MGAT5: variants seen among roughly 807,000 people sequenced by gnomAD.
MGAT5 encodes the protein alpha-1,6-mannosylglycoprotein 6-beta-N-acetylglucosaminyltransferase A.
Under a neutral mutation model 94.3 loss-of-function variants are expected in MGAT5, and 30 were observed. The observed-to-expected ratio is 0.32, with a 90% CI of 0.24 to 0.43. MGAT5 has a LOEUF of 0.43. Ranked by LOEUF, MGAT5 falls within the 20% of genes least tolerant of loss-of-function variation. The pLI is 1.00. For missense variants in MGAT5, 691 were observed against 905.5 expected (o/e 0.76, Z 3.04); for synonymous variants, 310 against 322.9 (o/e 0.96, Z 0.43).
chr2:134,411,651 C>A (rs1295213825), intron 11 of MGAT5, among the ~76,000 whole-genome samples: 2 of 152,224 alleles, frequency 1.3e-5, no homozygotes, highest in African/African-American at 4.8e-5. Context: ...TGCAGCCCGG[C>A]AGCTTGGGCC....
chr2:134,400,808 C>G (rs1325866374), intron 10 of MGAT5, among the ~76,000 whole-genome samples: 2 of 152,188 alleles, frequency 1.3e-5, no homozygotes, highest in Non-Finnish European at 2.9e-5. Context: ...ACCTGCACCG[C>G]CCATCTCCTG....
Position 134,145,214 on chromosome 2 carries a change from C to CTGTGTGTGTGTGTGTGTGTG in MGAT5, c.-143+24935_-143+24954dup, listed in dbSNP as rs59065013. On this transcript the variant is annotated intron_variant, in intron 1 of 16. Coordinates refer to the MGAT5 transcript ENST00000409645. ...GTAAGGTGTGTGTGTGTCTCTCTCTCTGTGTGTGTGTGTGTGTGTGTGTGT... is the reference window on the plus strand; with the variant it reads ...GTAAGGTGTGTGTGTGTCTCTCTCTCTGTGTGTGTGTGTGTGTGTGTGTGTGTGTGTGTGTGTGTGTGTGT... Among the ~76,000 whole-genome samples the CTGTGTGTGTGTGTGTGTGTG allele has an allele frequency of 4.2e-4, 60 of 143,868 alleles. 1 individual carries two copies. Among genetic ancestry groups the CTGTGTGTGTGTGTGTGTGTG allele is most frequent in the African/African-American group, 1.5e-3 (58 of 38,574 alleles). 94.4% of individuals were successfully genotyped at this position (143,868 alleles called of 152,430 possible).
At chr2:134,141,524 A>T (rs1335163079) in intron 1 of MGAT5, among the ~76,000 whole-genome samples, 3 of 151,464 alleles carry the variant, frequency 2.0e-5, no homozygotes, top group Non-Finnish European at 4.4e-5. Context: ...GGGTGGCTGG[A>T]TGGGTAGATG....
Position 134,450,776 on chromosome 2 carries a change from G to C in MGAT5, c.*1929G>C. 7.4e-6 allele frequency: 1 copy of C among 135,134 alleles called. No individual in the cohort carries two copies. Among genetic ancestry groups the C allele is most frequent in the African/African-American group, 3.0e-5 (1 of 33,448 alleles). 8.4% of individuals were successfully genotyped at this position (135,134 alleles called of 1,614,324 possible). On this transcript the variant is annotated 3_prime_UTR_variant, in exon 16 of 16. Transcript: ENST00000281923. The stretch of plus-strand genomic sequence containing the variant: ...GGGCAGAAGTCCAAAGGAAACCTTG[G>C]TGAGTGAGTGTGTGTGTGTGTGTGT...
At position 134,428,362 on chromosome 2, in the gene MGAT5, C is replaced by T. The variant is rs1447693915; in HGVS notation, c.1795-3C>T. 6.2e-7 allele frequency: 1 copy of T among 1,613,590 alleles called. No homozygotes were observed. The highest frequency in any genetic ancestry group is 8.5e-7 in the Non-Finnish European group (1 of 1,179,690). Reference sequence around the variant, plus strand: ...TTCATGGTATCATGCTCTGTTTCCACAGATTGAGCCATACATGCCATATGA... The same window carrying T: ...TTCATGGTATCATGCTCTGTTTCCATAGATTGAGCCATACATGCCATATGA... On this transcript the variant is annotated splice_polypyrimidine_tract_variant and splice_region_variant and intron_variant, in intron 13 of 15. Coordinates refer to ENST00000281923, the MANE Select transcript of MGAT5 (RefSeq NM_002410.5).
At chr2:134,240,357 G>GTTTTTTTTTTTTTTTTTTTTTTTTTT (rs11316083) in intron 1 of MGAT5, among the ~76,000 whole-genome samples, 4 of 146,832 alleles carry the variant, frequency 2.7e-5, no homozygotes, top group South Asian at 4.4e-4. Flanking sequence ...AAATGAAAGT[G>GTTTTTTTTTTTTTTTTTTTTTTTTTT]TTTTTTTTTT....
chr2:134,242,150 C>T (rs906668386), intron 1 of MGAT5, among the ~76,000 whole-genome samples: 1 of 152,190 alleles, frequency 6.6e-6, no homozygotes, highest in African/African-American at 2.4e-5. Flanking sequence ...AAAACTCAAA[C>T]CCCCATGATG....
At chr2:134,174,440 A>G (rs1006299937) in intron 1 of MGAT5, among the ~76,000 whole-genome samples, 1 of 152,278 alleles carries the variant, frequency 6.6e-6, no homozygotes, top group Non-Finnish European at 1.5e-5. Flanking sequence ...ATGCGTGGCT[A>G]GTGCCAGTGG....
intron 4 of MGAT5, among the ~76,000 whole-genome samples, chr2:134,335,784 C>T (rs886439781): frequency 6.6e-6 from 1 of 152,242 alleles, no homozygotes. Flanking sequence ...AATGCCATTC[C>T]CTTTCCTTTC....
chr2:134,198,990 A>G (rs774119609), intron 1 of MGAT5, among the ~76,000 whole-genome samples: 7 of 152,198 alleles, frequency 4.6e-5, no homozygotes, highest in Admixed American at 6.5e-5. Flanking sequence ...CTTGTGGCAC[A>G]TTGTCTTAAA....
chr2:134,281,694 C>G (rs1318827017), intron 2 of MGAT5, among the ~76,000 whole-genome samples: 1 of 152,180 alleles, frequency 6.6e-6, no homozygotes, highest in Non-Finnish European at 1.5e-5. Context: ...CTGCCTGACC[C>G]TTTACTGTAC....
intron 9 of MGAT5, among the ~76,000 whole-genome samples, chr2:134,360,051 C>T (rs974617008): frequency 1.3e-5 from 2 of 152,188 alleles, no homozygotes; most frequent in African/African-American, 4.8e-5. Context: ...GCTCATTAAA[C>T]GTGGTGATAC....
chr2:134,157,621 G>A (rs1023540846), intron 1 of MGAT5, among the ~76,000 whole-genome samples: 1 of 151,970 alleles, frequency 6.6e-6, no homozygotes, highest in Non-Finnish European at 1.5e-5. Flanking sequence ...ATTCAAGTAC[G>A]TTACATCTAT....
intron 1 of MGAT5, among the ~76,000 whole-genome samples, chr2:134,219,474 AC>A (rs1312789273): frequency 6.6e-6 from 1 of 152,132 alleles, no homozygotes; most frequent in East Asian, 1.9e-4. Flanking sequence ...TAACGAACAG[AC>A]AGTTCAATTA....
chr2:134,253,796 C>T (rs1682761099), upstream of MGAT5, among the ~76,000 whole-genome samples: 1 of 152,170 alleles, frequency 6.6e-6, no homozygotes, highest in East Asian at 1.9e-4. Context: ...TCTAGTTACC[C>T]CCAAGGGGGC....
chr2:134,165,230 C>T (rs1687916696), intron 1 of MGAT5, among the ~76,000 whole-genome samples: 2 of 152,160 alleles, frequency 1.3e-5, no homozygotes, highest in African/African-American at 2.4e-5. Flanking sequence ...TAGCTGATGG[C>T]CAGAGATGAC....
At chr2:134,152,191 T>C (rs62165683) in intron 1 of MGAT5, among the ~76,000 whole-genome samples, 97,868 of 125,958 alleles carry the variant, frequency 0.78, 38,206 homozygotes, top group African/African-American at 0.91. Flanking sequence ...CTATGGGACC[T>C]GCCCACCGCC....
intron 4 of MGAT5, among the ~76,000 whole-genome samples, chr2:134,329,570 A>G (rs1687835594): frequency 6.6e-6 from 1 of 152,128 alleles, no homozygotes; most frequent in South Asian, 2.1e-4. Flanking sequence ...TGTGCTTCAA[A>G]TAGTGATTGA....
intron 7 of MGAT5, 136 bp from the exon 8 acceptor site, chr2:134,344,794 G>T (rs1443643146): frequency 2.0e-6 from 2 of 989,674 alleles, no homozygotes; most frequent in African/African-American, 3.3e-5. Flanking sequence ...ATAGGTAGCA[G>T]ATTTGAAAGG....
Sources: allele counts gnomAD v4.1 joint callset (sites outside exome capture counted in the v4.1 genomes callset), GRCh38; gene constraint gnomAD v4.1.1; transcripts MANE v1.5; gene names NCBI Gene and HGNC (gene_info 2026-07-23, HGNC 2026-07-21).